Variants in PALM2AKAP2 observed in about 807,000 individuals in gnomAD.
PALM2AKAP2 encodes PALM2-AKAP2 fusion protein.
Under a neutral mutation model 71.5 loss-of-function variants are expected in PALM2AKAP2, and 37 were observed. The ratio of observed to expected loss-of-function variants is 0.52; its 90% confidence interval spans 0.40 to 0.68. PALM2AKAP2 has a LOEUF of 0.68. Among genes scored for constraint, PALM2AKAP2 ranks in the 30% least tolerant of loss-of-function variants. PALM2AKAP2 has a pLI of 0.00. For missense variants in PALM2AKAP2, 1,224 were observed against 1,191.8 expected (o/e 1.03, Z -0.40); for synonymous variants, 468 against 478.8 (o/e 0.98, Z 0.29).
chr9:109,823,915 A>T (rs1158546963), intron 1 of PALM2AKAP2, among the ~76,000 whole-genome samples: 1 of 152,064 alleles, frequency 6.6e-6, no homozygotes, highest in African/African-American at 2.4e-5. Context: ...TTTAGACAGG[A>T]TCTCACTCTG....
intron 3 of PALM2AKAP2, among the ~76,000 whole-genome samples, chr9:110,164,063 AT>A (rs1836668636): frequency 6.6e-6 from 1 of 152,160 alleles, no homozygotes; most frequent in African/African-American, 2.4e-5. Context: ...ATTATCAGTA[AT>A]TTTCTTTCAT....
In PALM2AKAP2 at chr9:109,691,657, G is replaced by T. The variant is rs181392500; in HGVS notation, c.5+50791G>T. Among the ~76,000 whole-genome samples, 528 of 151,012 alleles carry T rather than the reference G, an allele frequency of 3.5e-3. 2 individuals carry two copies. Among genetic ancestry groups the T allele is most frequent in the Admixed American group, 6.6e-3 (100 of 15,100 alleles). On this transcript the variant is annotated intron_variant, in intron 1 of 6. Transcript: ENST00000374531. Reference sequence around the variant, plus strand: ...TTAGGAACCAAAAAGACTAAATTTAGTTTCCCCCAACCCCTCCTTCTCACA... The same window carrying T: ...TTAGGAACCAAAAAGACTAAATTTATTTTCCCCCAACCCCTCCTTCTCACA...
intron 1 of PALM2AKAP2, among the ~76,000 whole-genome samples, chr9:109,842,391 G>A (rs1043305139): frequency 6.6e-5 from 10 of 152,306 alleles, no homozygotes; most frequent in Middle Eastern, 3.4e-3. Context: ...GAAGGGGTTG[G>A]GAGCTCTATC....
chr9:109,982,024 A>G (rs1263649104), intron 6 of PALM2AKAP2, among the ~76,000 whole-genome samples: 1 of 152,254 alleles, frequency 6.6e-6, no homozygotes, highest in African/African-American at 2.4e-5. Context: ...ATTATTCACA[A>G]TAGCCGAGAT....
Position 109,815,816 on chromosome 9 carries a change from A to C in PALM2AKAP2, c.45+35283A>C, listed in dbSNP as rs1827837998. ...GAAGAGAAGTAAGTCTTAGCTAGAG[A>C]GGGCATAGGATTTGCATGGATTGTT... On this transcript the variant is annotated intron_variant, in intron 1 of 9. Coordinates refer to the PALM2AKAP2 transcript ENST00000302798. 4.6e-5 allele frequency among the ~76,000 whole-genome samples: 7 copies of C among 152,268 alleles called. No homozygotes were observed. In the South Asian group the frequency reaches 1.5e-3, roughly 32 times the overall value.
At chr9:110,142,483 G>C (rs536575567) in intron 2 of PALM2AKAP2, among the ~76,000 whole-genome samples, 2 of 152,312 alleles carry the variant, frequency 1.3e-5, no homozygotes, top group East Asian at 3.9e-4. Context: ...TATAGTCCCT[G>C]CTCTCAGGGA....
chr9:109,980,852 C>T (rs1472301417), intron 6 of PALM2AKAP2, among the ~76,000 whole-genome samples: 1 of 152,224 alleles, frequency 6.6e-6, no homozygotes, highest in African/African-American at 2.4e-5. Flanking sequence ...CTTTGCCAAA[C>T]ATTATTTTGT....
At chr9:110,137,161 G>T (rs771354541) in exon 2 of PALM2AKAP2, 2 of 1,613,736 alleles carry the variant, frequency 1.2e-6, no homozygotes, top group Non-Finnish European at 1.7e-6. Context: ...GCGCAAGCAT[G>T]ATTGACAAAG....
At chr9:109,867,659 G>GGCGCTGCC (rs1829490832) in intron 2 of PALM2AKAP2, 88 bp downstream of exon 2, 14 of 1,450,352 alleles carry the variant, frequency 9.7e-6, no homozygotes, top group Non-Finnish European at 1.3e-5. Flanking sequence ...CTGCCGTGAA[G>GGCGCTGCC]GCGCTGCCGC....
intron 6 of PALM2AKAP2, among the ~76,000 whole-genome samples, chr9:109,984,110 G>A (rs1046704556): frequency 6.6e-6 from 1 of 151,924 alleles, no homozygotes; most frequent in Non-Finnish European, 1.5e-5. Flanking sequence ...ACCACTTTTT[G>A]GTGCGAACTT....
chr9:109,828,054 C>G (rs1828202493), intron 1 of PALM2AKAP2, among the ~76,000 whole-genome samples: 2 of 152,168 alleles, frequency 1.3e-5, no homozygotes, highest in African/African-American at 4.8e-5. Flanking sequence ...ATATATGTCA[C>G]TTCCTTTAAT....
At chr9:109,864,877 T>C (rs1829407375) in intron 1 of PALM2AKAP2, among the ~76,000 whole-genome samples, 3 of 152,194 alleles carry the variant, frequency 2.0e-5, no homozygotes, top group Non-Finnish European at 2.9e-5. Flanking sequence ...GACATTGCAT[T>C]GTCCATGCAA....
At chr9:110,071,582 C>T in intron 1 of PALM2AKAP2, among the ~76,000 whole-genome samples, 1 of 152,164 alleles carries the variant, frequency 6.6e-6, no homozygotes, top group East Asian at 1.9e-4. Context: ...TACATGTCCT[C>T]TGTAACTCCT....
chr9:109,786,289 C>T (rs1282060798), intron 1 of PALM2AKAP2, among the ~76,000 whole-genome samples: 1 of 152,218 alleles, frequency 6.6e-6, no homozygotes, highest in Non-Finnish European at 1.5e-5. Context: ...ACATACTATC[C>T]AGTCCAGCTT....
intron 1 of PALM2AKAP2, among the ~76,000 whole-genome samples, chr9:110,116,109 C>T (rs772197745): frequency 2.0e-4 from 31 of 152,168 alleles, no homozygotes; most frequent in Non-Finnish European, 4.0e-4. Context: ...CAGGCTCCAC[C>T]GGATGGATAG....
At chr9:109,982,336 A>G (rs1350863120) in intron 6 of PALM2AKAP2, among the ~76,000 whole-genome samples, 1 of 152,204 alleles carries the variant, frequency 6.6e-6, no homozygotes, top group East Asian at 1.9e-4. Context: ...GGGTATGGTT[A>G]ATAAGTACAA....
At chr9:109,953,138 A>T (rs918987614) in intron 6 of PALM2AKAP2, among the ~76,000 whole-genome samples, 1 of 152,208 alleles carries the variant, frequency 6.6e-6, no homozygotes, top group Non-Finnish European at 1.5e-5. Flanking sequence ...GATCCATAAT[A>T]TTGACTATTG....
chr9:109,790,375 A>C (rs1827083547), intron 1 of PALM2AKAP2, among the ~76,000 whole-genome samples: 1 of 152,210 alleles, frequency 6.6e-6, no homozygotes, highest in Non-Finnish European at 1.5e-5. Context: ...CCAGTCATCT[A>C]AGTATTCACT....
exon 2 of PALM2AKAP2, chr9:110,137,930 C>T (rs1159968488): frequency 6.2e-7 from 1 of 1,614,176 alleles, no homozygotes; most frequent in Non-Finnish European, 8.5e-7. Context: ...GGTTGATGAC[C>T]CCTTGGAGTA....
Sources: allele counts gnomAD v4.1 joint callset (sites outside exome capture counted in the v4.1 genomes callset), GRCh38; gene constraint gnomAD v4.1.1; transcripts MANE v1.5; gene names NCBI Gene and HGNC (gene_info 2026-07-23, HGNC 2026-07-21).